The following CFAP57 variants were observed in gnomAD, a reference collection of about 807,000 sequenced individuals.
CFAP57 encodes cilia and flagella associated protein 57, also known as cilia- and flagella-associated protein 57.
In CFAP57, 116 loss-of-function variants were observed where a neutral mutation model predicts 146.8. That is an observed-to-expected ratio of 0.79 (90% CI 0.68 to 0.92). CFAP57 has a LOEUF of 0.92. Ranked by LOEUF, CFAP57 falls within the 40% of genes least tolerant of loss-of-function variation. CFAP57 has a pLI of 0.00. For synonymous variants in CFAP57, 518 were observed against 552.8 expected (o/e 0.94, Z 0.88); for missense variants, 1,377 against 1,527.2 (o/e 0.90, Z 1.64).
In CFAP57 at chr1:43,219,421, T is replaced by C. The variant is rs1401798436; in HGVS notation, c.2131T>C (p.Leu711=). The stretch of plus-strand genomic sequence containing the variant: ...GGAGCTAAAGACTCGTGTGGAGGAA[T>C]TAAAAATGGAGAATGAGTATCAACT... The part of the protein sequence containing the change: ...MLELKTRVEE[L]KMENEYQLRL... Residue 711 remains leucine (L), a synonymous_variant, in exon 13 of 23, where the codon TTA becomes CTA. Coordinates refer to ENST00000372492, the MANE Select transcript of CFAP57 (RefSeq NM_001378189.1). The C allele has an allele frequency of 3.2e-6, 5 of 1,550,546 alleles. No individual in the cohort carries two copies. The East Asian group carries it at 1.2e-4, about 38-fold the overall frequency.
chr1:43,190,847 T>C lies in CFAP57; in HGVS notation c.1122+3988T>C, dbSNP rs531016097. Among the ~76,000 whole-genome samples, 59 of 152,310 alleles carry C rather than the reference T, an allele frequency of 3.9e-4. 1 individual carries two copies. The highest frequency in any genetic ancestry group is 1.9e-3 in the South Asian group (9 of 4,832). On this transcript the variant is annotated intron_variant, in intron 6 of 22. Coordinates refer to ENST00000372492, the MANE Select transcript of CFAP57 (RefSeq NM_001378189.1). ...GGATAAAATCCACTTGGCCATAGTA[T>C]ATAATCATTTTCATATTAGTATATT...
chr1:43,172,511 GA>G, intron 1 of CFAP57, 58 bp downstream of exon 1: 2 of 1,288,632 alleles, frequency 1.6e-6, no homozygotes, highest in Non-Finnish European at 1.0e-6. Context: ...GGGTACAAAG[GA>G]AAAGGCAGAA....
intron 13 of CFAP57, among the ~76,000 whole-genome samples, chr1:43,220,799 G>A (rs558781669): frequency 2.6e-4 from 9 of 34,840 alleles, no homozygotes; most frequent in East Asian, 0.016. Flanking sequence ...CATAAAGTTC[G>A]GCTAAAAAAA....
At chr1:43,175,097 A>G (rs935355599) in intron 2 of CFAP57, among the ~76,000 whole-genome samples, 1 of 152,172 alleles carries the variant, frequency 6.6e-6, no homozygotes, top group Non-Finnish European at 1.5e-5. Flanking sequence ...ATTATAGATC[A>G]TATTCCATTG....
intron 6 of CFAP57, among the ~76,000 whole-genome samples, chr1:43,189,870 T>C (rs1291633835): frequency 6.6e-6 from 1 of 152,132 alleles, no homozygotes; most frequent in African/African-American, 2.4e-5. Context: ...CCACACACTG[T>C]TAAACAACCA....
At chr1:43,241,260 G>A (rs1241183746) in intron 21 of CFAP57, among the ~76,000 whole-genome samples, 1 of 152,116 alleles carries the variant, frequency 6.6e-6, no homozygotes, top group African/African-American at 2.4e-5. Flanking sequence ...CTCCCTCTAG[G>A]CCCCACCTCC....
chr1:43,183,865 A>G lies in CFAP57; in HGVS notation c.749A>G (p.Gln250Arg). The change falls in exon 4 of 23, where the codon CAG becomes CGG. Residue 250 changes from glutamine to arginine, a missense_variant. Transcript: ENST00000372492. ...TNGSKSLDVI[Q>R]ESESLIEFPP... is the part of the protein sequence containing the mutation. ...GGCTCAAAGAGCCTGGATGTCATTC[A>G]GGAATCAGAGAGGTAATGGTGCTTC... The G allele has an allele frequency of 1.2e-6, 2 of 1,614,102 alleles. No homozygotes were observed. The highest frequency in any genetic ancestry group is 1.7e-6 in the Non-Finnish European group (2 of 1,180,026).
chr1:43,177,674 A>T (rs1645224955), intron 2 of CFAP57, among the ~76,000 whole-genome samples: 1 of 152,110 alleles, frequency 6.6e-6, no homozygotes, highest in South Asian at 2.1e-4. Flanking sequence ...GGTATGGGGG[A>T]TGGTTTCAGG....
chr1:43,227,442 A>G (rs1030015788), intron 18 of CFAP57, among the ~76,000 whole-genome samples: 1 of 152,222 alleles, frequency 6.6e-6, no homozygotes, highest in Non-Finnish European at 1.5e-5. Flanking sequence ...TTTGGCCACC[A>G]GAGGGCAGTG....
chr1:43,203,720 A>G (rs1644235553), intron 9 of CFAP57, among the ~76,000 whole-genome samples: 1 of 152,064 alleles, frequency 6.6e-6, no homozygotes, highest in Non-Finnish European at 1.5e-5. Flanking sequence ...TGGCCTCCCA[A>G]AGTGCTGGGA....
At chr1:43,234,702 A>G (rs1188652312) in intron 21 of CFAP57, 64 bp downstream of exon 21, 1 of 1,500,584 alleles carries the variant, frequency 6.7e-7, no homozygotes, top group Non-Finnish European at 8.9e-7. Context: ...GATCCCATCA[A>G]GGGTCCCTCT....
intron 11 of CFAP57, chr1:43,211,643 A>G (rs1644620689): frequency 2.0e-5 from 3 of 151,312 alleles, no homozygotes; most frequent in African/African-American, 4.8e-5. Context: ...CTACATTTCC[A>G]TGTGTGTGTG....
intron 12 of CFAP57, among the ~76,000 whole-genome samples, chr1:43,215,629 A>T (rs957502411): frequency 2.6e-5 from 4 of 152,142 alleles, no homozygotes; most frequent in Non-Finnish European, 5.9e-5. Context: ...CCATGTGATC[A>T]TCTTGACTTA....
intron 10 of CFAP57, among the ~76,000 whole-genome samples, chr1:43,207,258 T>C (rs1028196936): frequency 2.6e-5 from 4 of 152,264 alleles, no homozygotes; most frequent in African/African-American, 9.6e-5. Context: ...TTACCCTTGG[T>C]CTGCACTTAC....
At chr1:43,236,590 TAA>T (rs764205138) in intron 21 of CFAP57, among the ~76,000 whole-genome samples, 14 of 41,806 alleles carry the variant, frequency 3.3e-4, no homozygotes, top group South Asian at 1.8e-3. Context: ...GAATAAGTGC[TAA>T]AAAAAAAAAA....
chr1:43,244,421 A>G (rs887605916), intron 22 of CFAP57, among the ~76,000 whole-genome samples: 1 of 152,188 alleles, frequency 6.6e-6, no homozygotes, highest in African/African-American at 2.4e-5. Flanking sequence ...CTTCAACTAT[A>G]TAACTATATA....
chr1:43,212,158 G>A (rs1242985995), intron 11 of CFAP57, among the ~76,000 whole-genome samples: 1 of 152,086 alleles, frequency 6.6e-6, no homozygotes, highest in East Asian at 1.9e-4. Context: ...CCAGAAAATT[G>A]ACATGGTCCA....
intron 6 of CFAP57, among the ~76,000 whole-genome samples, chr1:43,190,776 A>G (rs1029912580): frequency 3.3e-5 from 5 of 151,764 alleles, no homozygotes; most frequent in Admixed American, 1.3e-4. Flanking sequence ...AATATAGTAT[A>G]TTATACTAAG....
intron 3 of CFAP57, among the ~76,000 whole-genome samples, chr1:43,182,630 T>C (rs1457710529): frequency 6.6e-6 from 1 of 152,204 alleles, no homozygotes; most frequent in Non-Finnish European, 1.5e-5. Context: ...ATTATAATAG[T>C]AATCAGAAGG....
Sources: allele counts gnomAD v4.1 joint callset (sites outside exome capture counted in the v4.1 genomes callset), GRCh38; gene constraint gnomAD v4.1.1; transcripts MANE v1.5; gene names NCBI Gene and HGNC (gene_info 2026-07-23, HGNC 2026-07-21).